SLC19A1: variants seen among roughly 807,000 people sequenced by gnomAD.
The protein encoded by SLC19A1 is solute carrier family 19 member 1.
In SLC19A1, 37 loss-of-function variants were observed where a neutral mutation model predicts 35.3. The ratio of observed to expected loss-of-function variants is 1.05; its 90% CI spans 0.81 to 1.38. The LOEUF (loss-of-function observed/expected upper bound fraction) is 1.38. Among genes scored for constraint, SLC19A1 ranks in the 40% most tolerant of loss-of-function variants. SLC19A1 has a pLI of 0.00. For synonymous variants in SLC19A1, 460 were observed against 398.5 expected (o/e 1.15, Z -1.84); for missense variants, 831 against 826.9 (o/e 1.00, Z -0.06).
At chr21:45,509,219 C>G (rs768010450), downstream of SLC19A1, 74 of 1,225,576 alleles carry the variant, frequency 6.0e-5, no homozygotes, top group Non-Finnish European at 7.7e-5. Context: ...CCAGGGCAGC[C>G]CCAGAGTCGG....
intron 5 of SLC19A1, among the ~76,000 whole-genome samples, chr21:45,519,754 G>A (rs1232823932): frequency 6.6e-6 from 1 of 152,030 alleles, no homozygotes; most frequent in Non-Finnish European, 1.5e-5. Context: ...GAACTGAAAG[G>A]AGAAACAGAT....
At chr21:45,508,937 G>C (rs1196851900), downstream of SLC19A1, among the ~76,000 whole-genome samples, 1 of 152,148 alleles carries the variant, frequency 6.6e-6, no homozygotes, top group African/African-American at 2.4e-5. Context: ...TCCGGACTGG[G>C]GTGCAGGCCT....
chr21:45,507,579 C>G (rs2037294586), downstream of SLC19A1: 1 of 1,613,002 alleles, frequency 6.2e-7, no homozygotes, highest in Non-Finnish European at 8.5e-7. Context: ...CCGGACACCA[C>G]TCCCACGAGG....
At chr21:45,542,726 G>T (rs1465141197), upstream of SLC19A1, among the ~76,000 whole-genome samples, 1 of 150,412 alleles carries the variant, frequency 6.6e-6, no homozygotes, top group Non-Finnish European at 1.5e-5. Context: ...GCATCCTGGG[G>T]TGCCACTCGC....
rs2037688950 is a variant in SLC19A1, at chr21:45,512,812, G to C, written c.*2846C>G. ...CGTTCTGTGCACAAAACCCAGACCT[G>C]TTAGCAGACAGGCCCCGTGAGGCAA... On this transcript the variant is annotated 3_prime_UTR_variant, in exon 6 of 6. Coordinates refer to ENST00000311124, the MANE Select transcript of SLC19A1 (RefSeq NM_194255.4). 1 of 289,734 alleles carries C rather than the reference G, an allele frequency of 3.5e-6. No homozygotes were observed. Among genetic ancestry groups the C allele is most frequent in the South Asian group, 3.4e-5 (1 of 29,606 alleles). 17.9% of individuals were successfully genotyped at this position (289,734 alleles called of 1,614,324 possible).
At chr21:45,504,721 C>T (rs895383387) in intron 3 of SLC19A1, among the ~76,000 whole-genome samples, 11 of 152,016 alleles carry the variant, frequency 7.2e-5, no homozygotes, top group African/African-American at 2.7e-4. Context: ...CAGCAGGCCA[C>T]ATGGGTGTGG....
intron 5 of SLC19A1, 32 bp downstream of exon 5, chr21:45,525,785 T>C (rs1308168490): frequency 4.4e-6 from 7 of 1,609,022 alleles, no homozygotes; most frequent in African/African-American, 4.0e-5. Flanking sequence ...GTAGCTTCCA[T>C]CCCCGAGGAC....
downstream of SLC19A1, chr21:45,512,452 C>A: frequency 1.9e-6 from 3 of 1,562,358 alleles, no homozygotes; most frequent in Non-Finnish European, 2.6e-6. Context: ...AGGAAGCCCC[C>A]ACCGTGGGCA....
At chr21:45,559,496 G>T (rs1481620009) in intron 1 of SLC19A1, among the ~76,000 whole-genome samples, 1 of 152,234 alleles carries the variant, frequency 6.6e-6, no homozygotes. Context: ...AACTTGCAAA[G>T]ATTTGCTAAG....
At chr21:45,557,036 C>A (rs1014530910) in intron 1 of SLC19A1, among the ~76,000 whole-genome samples, 2 of 152,196 alleles carry the variant, frequency 1.3e-5, no homozygotes, top group Non-Finnish European at 2.9e-5. Context: ...ATGTAACCTC[C>A]CCTGGGCTCA....
Position 45,514,640 on chromosome 21 carries a change from C to T in SLC19A1, c.*1018G>A. On this transcript the variant is annotated 3_prime_UTR_variant, in exon 6 of 6. Coordinates refer to ENST00000311124, the MANE Select transcript of SLC19A1 (RefSeq NM_194255.4). ...GAGGCGGGAGAAGGCTGGGACGCCT[C>T]TCCTGGCCTCCTCACTGACTGCTGA... 4.4e-6 allele frequency: 1 copy of T among 229,786 alleles called. No homozygotes were observed. The highest frequency in any genetic ancestry group is 8.4e-6 in the Non-Finnish European group (1 of 118,962). 14.2% of individuals were successfully genotyped at this position (229,786 alleles called of 1,614,324 possible).
chr21:45,551,304 T>C (rs1437702346), intron 1 of SLC19A1, among the ~76,000 whole-genome samples: 1 of 152,194 alleles, frequency 6.6e-6, no homozygotes, highest in Admixed American at 6.5e-5. Context: ...AATTAATTTC[T>C]GCTTTTCTCA....
chr21:45,506,033 A>T, intron 3 of SLC19A1: 2 of 1,610,126 alleles, frequency 1.2e-6, no homozygotes, highest in Non-Finnish European at 8.5e-7. Flanking sequence ...GGGCTTAAGG[A>T]AGGCGAGAGG....
intron 1 of SLC19A1, among the ~76,000 whole-genome samples, chr21:45,553,227 C>G (rs80258550): frequency 2.6e-5 from 4 of 151,948 alleles, no homozygotes; most frequent in Non-Finnish European, 4.4e-5. Flanking sequence ...TTCCAGGCAC[C>G]GCGCATCCCT....
rs2037284595 is a variant in SLC19A1, at chr21:45,507,466, A to AGGTGCTGGGGCGGGAGAGTCG, written c.498-8875_498-8855dup. On this transcript the variant is annotated intron_variant, in intron 3 of 4. Coordinates refer to the SLC19A1 transcript ENST00000417954. ...CACCCTCCTGTGGGCTGGGAGGGCC[A>AGGTGCTGGGGCGGGAGAGTCG]GGTGCTGGGGCGGGAGAGTCGGGTG... is the stretch of plus-strand genomic sequence containing the variant. 6 of 320,604 alleles carry AGGTGCTGGGGCGGGAGAGTCG rather than the reference A, an allele frequency of 1.9e-5. No individual in the cohort carries two copies. In the Admixed American group the frequency reaches 2.2e-4, roughly 11 times the overall value. 19.9% of individuals were successfully genotyped at this position (320,604 alleles called of 1,614,324 possible).
At chr21:45,532,207 C>A (rs1479906332) in intron 2 of SLC19A1, 59 bp from the exon 3 acceptor site, 1 of 1,424,760 alleles carries the variant, frequency 7.0e-7, no homozygotes, top group Non-Finnish European at 9.6e-7. Flanking sequence ...CTGCGGCAGA[C>A]ACAGCCCGCC....
chr21:45,507,648 T>C (rs539760479), downstream of SLC19A1: 51 of 1,520,866 alleles, frequency 3.4e-5, no homozygotes, highest in African/African-American at 4.9e-4. Context: ...TGAGGGGGTA[T>C]GTGCTGTCCC....
downstream of SLC19A1, among the ~76,000 whole-genome samples, chr21:45,508,803 C>T (rs1157020883): frequency 6.6e-6 from 1 of 152,180 alleles, no homozygotes; most frequent in East Asian, 1.9e-4. Flanking sequence ...GGGTAACACA[C>T]AGCCTGGCCC....
intron 1 of SLC19A1, among the ~76,000 whole-genome samples, chr21:45,541,270 G>A (rs1007431742): frequency 2.0e-5 from 3 of 152,266 alleles, no homozygotes; most frequent in Admixed American, 6.5e-5. Flanking sequence ...TGGCACCCAG[G>A]CAAAGGCGGC....
Sources: allele counts gnomAD v4.1 joint callset (sites outside exome capture counted in the v4.1 genomes callset), GRCh38; gene constraint gnomAD v4.1.1; transcripts MANE v1.5; gene names NCBI Gene and HGNC (gene_info 2026-07-23, HGNC 2026-07-21).